Variants in TMEM143 observed in about 807,000 individuals in gnomAD.
The protein encoded by TMEM143 is transmembrane protein 143.
In TMEM143, 45 loss-of-function variants were observed where a neutral mutation model predicts 40.3. That is an observed-to-expected ratio of 1.12 (90% CI 0.88 to 1.43). The LOEUF (loss-of-function observed/expected upper bound fraction) is 1.43. Among genes scored for constraint, TMEM143 ranks in the 40% most tolerant of loss-of-function variants. TMEM143 has a pLI of 0.00. For synonymous variants in TMEM143, 299 were observed against 282.7 expected (o/e 1.06, Z -0.58); for missense variants, 620 against 613.4 (o/e 1.01, Z -0.11).
intron 6 of TMEM143, among the ~76,000 whole-genome samples, chr19:48,341,795 C>G (rs1969492564): frequency 6.6e-6 from 1 of 152,026 alleles, no homozygotes; most frequent in Non-Finnish European, 1.5e-5. Flanking sequence ...GAACACACCC[C>G]CTTCACCGCA....
intron 3 of TMEM143, among the ~76,000 whole-genome samples, chr19:48,352,968 C>A (rs1418882470): frequency 6.6e-6 from 1 of 151,888 alleles, no homozygotes; most frequent in African/African-American, 2.4e-5. Flanking sequence ...ACACCAAATA[C>A]AATGAAAACA....
At chr19:48,334,850 C>T (rs1157947596) in intron 6 of TMEM143, among the ~76,000 whole-genome samples, 1 of 152,122 alleles carries the variant, frequency 6.6e-6, no homozygotes, top group Non-Finnish European at 1.5e-5. Context: ...TCCCATAGTG[C>T]TGGGGTTACA....
At chr19:48,334,864 G>A (rs1755064928) in intron 6 of TMEM143, among the ~76,000 whole-genome samples, 1 of 152,052 alleles carries the variant, frequency 6.6e-6, no homozygotes, top group Non-Finnish European at 1.5e-5. Context: ...GGTTACAGGC[G>A]TGACCCAAGG....
intron 3 of TMEM143, among the ~76,000 whole-genome samples, chr19:48,353,528 T>C (rs996766486): frequency 1.3e-5 from 2 of 151,782 alleles, no homozygotes; most frequent in Non-Finnish European, 2.9e-5. Flanking sequence ...CCATGCAATA[T>C]TGGATGACTG....
At position 48,333,106 on chromosome 19, in the gene TMEM143, G is replaced by C. The variant is rs1969250525; in HGVS notation, c.*113C>G. On this transcript the variant is annotated 3_prime_UTR_variant, in exon 8 of 8. Transcript: ENST00000293261. This position sits in a 1 kb window ranked among gnomAD's most constrained non-coding sequence, Gnocchi z 4.1. ...CACAGTGCAGCAAAAATAATCACCT[G>C]TCAGTTATTGGAAGTTGGAGTGAAA... is the stretch of plus-strand genomic sequence containing the variant. 1 of 835,836 alleles carries C rather than the reference G, an allele frequency of 1.2e-6. No homozygotes were observed. The highest frequency in any genetic ancestry group is 1.7e-6 in the Non-Finnish European group (1 of 588,964). The allele number at this position is 835,836 out of a possible 1,614,324, so 51.8% of individuals were successfully genotyped here. A position where few individuals can be genotyped will look rare whatever the true frequency, so the allele number is the denominator to read the frequency against.
rs543665272 is a variant in TMEM143 at position 48,361,449 on chromosome 19, C to A, written c.265-1273G>T. Among the ~76,000 whole-genome samples the A allele has an allele frequency of 1.8e-4, 28 of 152,006 alleles. No individual in the cohort carries two copies. The South Asian group carries it at 5.2e-3, about 28-fold the overall frequency. On this transcript the variant is annotated intron_variant, in intron 2 of 7. Coordinates refer to ENST00000293261, the MANE Select transcript of TMEM143 (RefSeq NM_018273.4). ...GCCAGGCTGGTCTCAAACTCATGAC[C>A]TCAGGTGATCCACCTGCATCGACTT... is the stretch of plus-strand genomic sequence containing the variant.
At position 48,357,360 on chromosome 19, in the gene TMEM143, T is replaced by C. The variant is rs1358006940; in HGVS notation, c.369+2712A>G. Among the ~76,000 whole-genome samples, 18 of 118,290 alleles carry C rather than the reference T, an allele frequency of 1.5e-4. No homozygotes were observed. In the South Asian group the frequency reaches 4.3e-3, roughly 28 times the overall value. 77.6% of individuals were successfully genotyped at this position (118,290 alleles called of 152,430 possible). ...TCAAGTCTATCTTTCTTTTTTTTTTTTTTTTTTTTTCTGAGACGGAGTCTC... is the reference window on the plus strand; with the variant it reads ...TCAAGTCTATCTTTCTTTTTTTTTTCTTTTTTTTTTCTGAGACGGAGTCTC... On this transcript the variant is annotated intron_variant, in intron 3 of 7. Transcript: ENST00000293261.
chr19:48,359,941 C>T (rs1237877716), intron 3 of TMEM143, 131 bp downstream of exon 3: 9 of 821,500 alleles, frequency 1.1e-5, no homozygotes, highest in Non-Finnish European at 1.7e-5. Flanking sequence ...CGTCACTTCA[C>T]CTGTCATGTT....
chr19:48,363,533 TAA>T lies in TMEM143; in HGVS notation c.24-4_24-3del. On this transcript the variant is annotated splice_polypyrimidine_tract_variant and splice_region_variant and intron_variant, in intron 1 of 7. Coordinates refer to ENST00000293261, the MANE Select transcript of TMEM143 (RefSeq NM_018273.4). ...ATGGCTAGACCCTTTCCCCGGAGCCTAAACAGAGGAAAATGGGCAGGGGTCAA... is the reference window on the plus strand; with the variant it reads ...ATGGCTAGACCCTTTCCCCGGAGCCTACAGAGGAAAATGGGCAGGGGTCAA... The T allele has an allele frequency of 6.3e-7, 1 of 1,596,332 alleles. No homozygotes were observed. The highest frequency in any genetic ancestry group is 8.5e-7 in the Non-Finnish European group (1 of 1,170,550).
intron 6 of TMEM143, 25 bp from the exon 7 acceptor site, chr19:48,334,222 G>A: frequency 6.4e-7 from 1 of 1,567,450 alleles, no homozygotes; most frequent in Non-Finnish European, 8.6e-7. Flanking sequence ...GCGCCCCGTG[G>A]GCTCAGTTCG....
At chr19:48,363,207 T>G in intron 2 of TMEM143, 84 bp downstream of exon 2, 1 of 1,514,256 alleles carries the variant, frequency 6.6e-7, no homozygotes, top group Non-Finnish European at 8.8e-7. Context: ...CCAGGGCAGC[T>G]CTCTGCAGCA....
chr19:48,361,690 C>T (rs769238112), intron 2 of TMEM143, among the ~76,000 whole-genome samples: 5 of 152,056 alleles, frequency 3.3e-5, no homozygotes, highest in East Asian at 1.9e-4. Flanking sequence ...CCACCTCGCC[C>T]GGCTAATTTT....
At chr19:48,350,553 T>C (rs964123478) in intron 3 of TMEM143, among the ~76,000 whole-genome samples, 5 of 152,074 alleles carry the variant, frequency 3.3e-5, no homozygotes, top group Non-Finnish European at 5.9e-5. Flanking sequence ...GAGCGCACGA[T>C]GCAGGCCCAG....
chr19:48,334,302 C>A, intron 6 of TMEM143, 105 bp from the exon 7 acceptor site: 1 of 1,283,410 alleles, frequency 7.8e-7, no homozygotes, highest in African/African-American at 1.5e-5. Flanking sequence ...GCTTACTCCC[C>A]TGAGGAGGCG....
rs1383422151 is a variant in TMEM143 at position 48,342,283 on chromosome 19, GGAGGGAGGAAGGAAGGAAGGA to G, written c.975+226_975+246del. On this transcript the variant is annotated intron_variant, in intron 6 of 7. Transcript: ENST00000293261. Reference sequence around the variant, plus strand: ...GGGAGAAAGGAAAGAAGGGAGGAAGGGAGGGAGGAAGGAAGGAAGGACAGGGAGGGAAGGGAAGGGAAAGAA... The same window carrying G: ...GGGAGAAAGGAAAGAAGGGAGGAAGGCAGGGAGGGAAGGGAAGGGAAAGAA... Among the ~76,000 whole-genome samples the G allele has an allele frequency of 3.4e-5, 5 of 145,122 alleles. No individual in the cohort carries two copies. In the Admixed American group the frequency reaches 3.4e-4, roughly 10 times the overall value.
intron 6 of TMEM143, among the ~76,000 whole-genome samples, chr19:48,341,359 G>A (rs1969483123): frequency 6.6e-6 from 1 of 152,164 alleles, no homozygotes; most frequent in Admixed American, 6.6e-5. Context: ...GCACTCACAT[G>A]TAGCAGAATC....
chr19:48,352,914 G>A (rs1049421020), intron 3 of TMEM143, among the ~76,000 whole-genome samples: 3 of 151,996 alleles, frequency 2.0e-5, no homozygotes, highest in African/African-American at 7.3e-5. Context: ...ACTGTGCCTG[G>A]CCACGTATAC....
chr19:48,336,845 G>C (rs1969381106), intron 6 of TMEM143, among the ~76,000 whole-genome samples: 1 of 151,522 alleles, frequency 6.6e-6, no homozygotes, highest in African/African-American at 2.4e-5. Context: ...GTGAAACCCT[G>C]TATCTACTAA....
rs774864899 is a variant in TMEM143 at position 48,342,670 on chromosome 19, C to T, written c.835G>A (p.Ala279Thr). 6 of 1,613,994 alleles carry T rather than the reference C, an allele frequency of 3.7e-6. No homozygotes were observed. The highest frequency in any genetic ancestry group is 2.7e-5 in the African/African-American group (2 of 74,926). The stretch of plus-strand genomic sequence containing the variant: ...ACTACCAGCATGAGGTTGAGCAGGG[C>T]GCGCTGCAGGGTGGGCGTGCGCACC... The part of the protein sequence containing the change: ...LKVRTPTLQR[A>T]LLNLMLVVSG... The change falls in exon 6 of 8, where the codon GCC becomes ACC. Residue 279 changes from alanine to threonine, a missense_variant. Coordinates refer to ENST00000293261, the MANE Select transcript of TMEM143 (RefSeq NM_018273.4).
Sources: allele counts gnomAD v4.1 joint callset (sites outside exome capture counted in the v4.1 genomes callset), GRCh38; gene constraint gnomAD v4.1.1; non-coding constraint Gnocchi (gnomAD v3.1); transcripts MANE v1.5; gene names NCBI Gene and HGNC (gene_info 2026-07-23, HGNC 2026-07-21).